Variants in CLMN observed in about 807,000 individuals in gnomAD.
CLMN encodes the protein calmin (calponin-like, transmembrane).
A neutral mutation model predicts 92.7 loss-of-function variants in CLMN; 57 were observed. The ratio of observed to expected loss-of-function variants is 0.61; its 90% CI spans 0.50 to 0.77. The LOEUF (loss-of-function observed/expected upper bound fraction) is 0.77, where lower values mean the gene tolerates loss of function less well. Among genes scored for constraint, CLMN ranks in the 30% least tolerant of loss-of-function variants. The pLI is 0.00. For missense variants in CLMN, 1,158 were observed against 1,237.5 expected (o/e 0.94, Z 0.96); for synonymous variants, 466 against 470.6 (o/e 0.99, Z 0.13).
At chr14:95,297,454 C>T (rs529815979) in intron 1 of CLMN, among the ~76,000 whole-genome samples, 10 of 152,160 alleles carry the variant, frequency 6.6e-5, no homozygotes, top group South Asian at 4.2e-4. Flanking sequence ...CACCACCATA[C>T]GGAAGAGATA....
chr14:95,201,172 AAT>A (rs752992909), intron 9 of CLMN, among the ~76,000 whole-genome samples: 21 of 150,444 alleles, frequency 1.4e-4, no homozygotes, highest in East Asian at 1.9e-4. Context: ...AAAATTTAAA[AAT>A]ATATATATAT....
chr14:95,217,240 A>G (rs1308597768), intron 4 of CLMN, among the ~76,000 whole-genome samples: 3 of 152,200 alleles, frequency 2.0e-5, no homozygotes, highest in Non-Finnish European at 4.4e-5. Context: ...ACCTGAAGAG[A>G]GCATCTCATA....
rs956994896 is a variant in CLMN, at chr14:95,187,770, T to C, written c.*3794A>G. The C allele has an allele frequency of 3.9e-5, 6 of 152,244 alleles. No homozygotes were observed. The highest frequency in any genetic ancestry group is 7.3e-5 in the Non-Finnish European group (5 of 68,054). 9.4% of individuals were successfully genotyped at this position (152,244 alleles called of 1,614,324 possible). On this transcript the variant is annotated 3_prime_UTR_variant, in exon 13 of 13. Coordinates refer to ENST00000298912, the MANE Select transcript of CLMN (RefSeq NM_024734.4). ...CTGGATATGGTCCTACAGTTGTGCA[T>C]TGCACAGAGGCACTTGGCTAAAGAG...
chr14:95,200,085 G>A (rs1896833830), intron 9 of CLMN, among the ~76,000 whole-genome samples: 1 of 152,158 alleles, frequency 6.6e-6, no homozygotes, highest in Non-Finnish European at 1.5e-5. Flanking sequence ...GATAGAGGCA[G>A]AGCCAATGCA....
chr14:95,222,356 G>A (rs1377330452), intron 3 of CLMN: 1 of 264,314 alleles, frequency 3.8e-6, no homozygotes, highest in South Asian at 3.7e-5. Context: ...CTAAAACTCT[G>A]ACAAGGTTAG....
intron 1 of CLMN, among the ~76,000 whole-genome samples, chr14:95,308,931 T>C (rs116602294): frequency 0.046 from 6,984 of 152,064 alleles, 559 homozygotes; most frequent in African/African-American, 0.16. Flanking sequence ...TAAAAATAAG[T>C]AGAAACAGAA....
intron 1 of CLMN, among the ~76,000 whole-genome samples, chr14:95,239,008 TGA>T (rs1159922594): frequency 2.6e-5 from 4 of 152,214 alleles, no homozygotes; most frequent in African/African-American, 9.6e-5. Context: ...AGTTTTGCTG[TGA>T]GTTATTCTGT....
At chr14:95,310,580 C>T (rs1400584410) in intron 1 of CLMN, among the ~76,000 whole-genome samples, 7 of 152,218 alleles carry the variant, frequency 4.6e-5, no homozygotes, top group Non-Finnish European at 8.8e-5. Context: ...CAGCCTACAA[C>T]GCTTCTAAAG....
intron 1 of CLMN, among the ~76,000 whole-genome samples, chr14:95,269,417 C>T (rs1899617986): frequency 6.6e-6 from 1 of 152,066 alleles, no homozygotes; most frequent in South Asian, 2.1e-4. Context: ...TATCATTGTT[C>T]TTCAAATGGG....
At chr14:95,284,027 T>C (rs750453183) in intron 1 of CLMN, among the ~76,000 whole-genome samples, 2 of 151,532 alleles carry the variant, frequency 1.3e-5, no homozygotes, top group Admixed American at 6.6e-5. Flanking sequence ...GTGGAAAAAA[T>C]GGTTTTGTGG....
intron 8 of CLMN, among the ~76,000 whole-genome samples, chr14:95,205,167 A>T (rs1187615): frequency 0.29 from 43,481 of 152,064 alleles, 7,773 homozygotes; most frequent in African/African-American, 0.5. Flanking sequence ...ATTGACGCTG[A>T]TATGATCAAA....
At chr14:95,287,632 G>A (rs1900394121) in intron 1 of CLMN, among the ~76,000 whole-genome samples, 1 of 152,190 alleles carries the variant, frequency 6.6e-6, no homozygotes, top group African/African-American at 2.4e-5. Flanking sequence ...ACAAGGTCCT[G>A]GGTGATGCTG....
At chr14:95,202,466 G>A (rs1321246754) in intron 9 of CLMN, among the ~76,000 whole-genome samples, 1 of 152,218 alleles carries the variant, frequency 6.6e-6, no homozygotes, top group Non-Finnish European at 1.5e-5. Flanking sequence ...ACTGAGAATA[G>A]TATGCAACGG....
chr14:95,193,240 C>T, intron 12 of CLMN: 1 of 916,884 alleles, frequency 1.1e-6, no homozygotes, highest in African/African-American at 1.6e-5. Flanking sequence ...TTTCTGGTTT[C>T]CTATGTTTTA....
chr14:95,236,588 C>A (rs1595606824), intron 1 of CLMN, among the ~76,000 whole-genome samples: 1 of 152,180 alleles, frequency 6.6e-6, no homozygotes, highest in Non-Finnish European at 1.5e-5. Context: ...CCAGATCACA[C>A]AATGACCCGG....
In CLMN at chr14:95,215,815, CTGTGTGTGTGTGTGTGTG is replaced by C. The variant is rs57063101; in HGVS notation, c.325-100_325-83del. On this transcript the variant is annotated intron_variant, in intron 4 of 12. Transcript: ENST00000298912. ...TTATTTTCTGGTTCTCTCTCTCTCT[CTGTGTGTGTGTGTGTGTG>C]TGTGTGTGTGTGTGTGTGTGTGTGT... 907 of 570,844 alleles carry C rather than the reference CTGTGTGTGTGTGTGTGTG, an allele frequency of 1.6e-3. 5 individuals are homozygous for C. Among genetic ancestry groups the C allele is most frequent in the African/African-American group, 0.012 (590 of 50,700 alleles). 35.4% of individuals were successfully genotyped at this position (570,844 alleles called of 1,614,324 possible).
chr14:95,227,717 C>T (rs928978809), intron 2 of CLMN, among the ~76,000 whole-genome samples: 3 of 152,232 alleles, frequency 2.0e-5, no homozygotes, highest in African/African-American at 4.8e-5. Context: ...GGGCCCCAAA[C>T]GCTCTGTGGG....
chr14:95,287,120 T>C (rs147642313), intron 1 of CLMN, among the ~76,000 whole-genome samples: 1 of 152,218 alleles, frequency 6.6e-6, no homozygotes, highest in Admixed American at 6.5e-5. Flanking sequence ...TCTTCCCTCC[T>C]GTGAATTTGC....
chr14:95,317,711 G>T (rs1901853779), intron 1 of CLMN, among the ~76,000 whole-genome samples: 1 of 152,132 alleles, frequency 6.6e-6, no homozygotes, highest in Non-Finnish European at 1.5e-5. Flanking sequence ...GGTGGTCAGG[G>T]GGCAGTGTTA....
Sources: gnomAD v4.1 joint callset for allele counts (sites outside exome capture counted in the v4.1 genomes callset) on GRCh38, gnomAD v4.1.1 for gene constraint, MANE v1.5 for transcripts, NCBI Gene and HGNC (gene_info 2026-07-23, HGNC 2026-07-21) for gene names.